The following TAFA1 variants were observed in gnomAD, a reference collection of about 807,000 sequenced individuals.
The protein encoded by TAFA1 is TAFA chemokine like family member 1.
Under a neutral mutation model 18.5 loss-of-function variants are expected in TAFA1, and 4 were observed. The observed-to-expected ratio is 0.22, with a 90% CI of 0.11 to 0.49. The LOEUF (loss-of-function observed/expected upper bound fraction) is 0.49. Among genes scored for constraint, TAFA1 ranks in the 20% least tolerant of loss-of-function variants. TAFA1 has a pLI of 0.98. For synonymous variants in TAFA1, 56 were observed against 55.2 expected (o/e 1.01, Z -0.06); for missense variants, 147 against 169.0 (o/e 0.87, Z 0.72).
intron 2 of TAFA1, among the ~76,000 whole-genome samples, chr3:68,411,010 C>T (rs2070705784): frequency 6.6e-6 from 1 of 152,220 alleles, no homozygotes; most frequent in Non-Finnish European, 1.5e-5. Flanking sequence ...TTGTGACAAA[C>T]TTAACTCTTC....
chr3:68,104,699 A>G (rs1055916375), intron 2 of TAFA1, among the ~76,000 whole-genome samples: 3 of 152,112 alleles, frequency 2.0e-5, no homozygotes, highest in African/African-American at 7.2e-5. Context: ...GAAGATGACC[A>G]AGCTCATTTG....
intron 2 of TAFA1, among the ~76,000 whole-genome samples, chr3:68,238,924 A>G (rs1367055067): frequency 6.6e-6 from 1 of 152,196 alleles, no homozygotes; most frequent in South Asian, 2.1e-4. Context: ...CTAATGATCT[A>G]TGGAATTCTT....
chr3:68,045,190 G>A (rs991085191), intron 2 of TAFA1, among the ~76,000 whole-genome samples: 2 of 152,110 alleles, frequency 1.3e-5, no homozygotes, highest in East Asian at 1.9e-4. Flanking sequence ...TCCAAATGGA[G>A]CTCTTCTCAT....
intron 2 of TAFA1, among the ~76,000 whole-genome samples, chr3:68,199,266 T>C (rs553468541): frequency 6.6e-6 from 1 of 151,746 alleles, no homozygotes; most frequent in Admixed American, 6.6e-5. Flanking sequence ...ACTATAACTT[T>C]ACAGTAAGTC....
At chr3:68,040,098 C>T (rs1276407498) in intron 2 of TAFA1, among the ~76,000 whole-genome samples, 1 of 152,150 alleles carries the variant, frequency 6.6e-6, no homozygotes, top group East Asian at 1.9e-4. Flanking sequence ...ACATTGAGGG[C>T]ATCTGCTATA....
chr3:68,308,069 A>G (rs2068452333), intron 2 of TAFA1, among the ~76,000 whole-genome samples: 1 of 152,206 alleles, frequency 6.6e-6, no homozygotes, highest in Admixed American at 6.5e-5. Flanking sequence ...GGGTGACATA[A>G]TGAAAATTTT....
chr3:68,018,269 A>G (rs1704609163), intron 2 of TAFA1, among the ~76,000 whole-genome samples: 1 of 152,186 alleles, frequency 6.6e-6, no homozygotes, highest in South Asian at 2.1e-4. Flanking sequence ...GCCAATTGTC[A>G]AAGAAGTGGC....
At chr3:68,415,180 C>T (rs369365271) in intron 2 of TAFA1, among the ~76,000 whole-genome samples, 1 of 152,164 alleles carries the variant, frequency 6.6e-6, no homozygotes, top group Non-Finnish European at 1.5e-5. Flanking sequence ...TCTTCTCCTT[C>T]GCTACCTTGT....
intron 3 of TAFA1, among the ~76,000 whole-genome samples, chr3:68,470,945 A>G (rs2071985149): frequency 6.6e-6 from 1 of 152,124 alleles, no homozygotes; most frequent in Admixed American, 6.5e-5. Flanking sequence ...CAGACCTGGA[A>G]GCCTAGGAGG....
At chr3:68,099,712 C>A (rs1266603900) in intron 2 of TAFA1, among the ~76,000 whole-genome samples, 1 of 152,082 alleles carries the variant, frequency 6.6e-6, no homozygotes, top group Non-Finnish European at 1.5e-5. Context: ...TTCATTGCAG[C>A]ACTATTCATA....
At chr3:68,258,049 A>C (rs1214721897) in intron 2 of TAFA1, among the ~76,000 whole-genome samples, 2 of 152,200 alleles carry the variant, frequency 1.3e-5, no homozygotes, top group African/African-American at 2.4e-5. Context: ...CTAAGGAGAT[A>C]TGGGTGCTGA....
Position 68,497,676 on chromosome 3 carries a change from G to A in TAFA1, c.260-41080G>A, listed in dbSNP as rs187751070. Among the ~76,000 whole-genome samples the A allele has an allele frequency of 4.8e-3, 726 of 152,250 alleles. 7 individuals are homozygous for A. Among genetic ancestry groups the A allele is most frequent in the Middle Eastern group, 0.024 (7 of 294 alleles). On this transcript the variant is annotated intron_variant, in intron 3 of 4. Coordinates refer to ENST00000478136, the MANE Select transcript of TAFA1 (RefSeq NM_213609.4). The stretch of plus-strand genomic sequence containing the variant: ...TGCAAGGAGCCTGAAATGACAAGTG[G>A]AGTACTCACAAAGGACCTTCCACAA...
chr3:68,049,321 C>T (rs985126943), intron 2 of TAFA1, among the ~76,000 whole-genome samples: 11 of 152,064 alleles, frequency 7.2e-5, no homozygotes, highest in African/African-American at 2.7e-4. Context: ...GCTCAGCCAC[C>T]AGGTGTCTAT....
chr3:68,519,290 G>A (rs777529395), intron 3 of TAFA1, among the ~76,000 whole-genome samples: 4 of 152,310 alleles, frequency 2.6e-5, no homozygotes, highest in East Asian at 1.9e-4. Context: ...ATGAGAAGAC[G>A]TCATCTATAA....
At chr3:68,290,409 TTA>T (rs2107276198) in intron 2 of TAFA1, among the ~76,000 whole-genome samples, 1 of 152,268 alleles carries the variant, frequency 6.6e-6, no homozygotes, top group Non-Finnish European at 1.5e-5. Flanking sequence ...TTCTGTAATT[TTA>T]TATGAGTAGT....
At chr3:68,323,569 C>T (rs2068726328) in intron 2 of TAFA1, among the ~76,000 whole-genome samples, 1 of 152,058 alleles carries the variant, frequency 6.6e-6, no homozygotes, top group Non-Finnish European at 1.5e-5. Flanking sequence ...TTTCAGCCTT[C>T]AAAATTATGA....
intron 2 of TAFA1, among the ~76,000 whole-genome samples, chr3:68,072,008 A>G (rs2064761572): frequency 5.9e-5 from 9 of 152,164 alleles, no homozygotes; most frequent in Admixed American, 4.6e-4. Flanking sequence ...AAACTATATC[A>G]CCATCTATAA....
intron 2 of TAFA1, among the ~76,000 whole-genome samples, chr3:68,269,627 G>T (rs1011199739): frequency 1.3e-5 from 2 of 151,940 alleles, no homozygotes; most frequent in African/African-American, 4.8e-5. Context: ...TGGGATTAGA[G>T]ATAATAACTT....
At chr3:68,249,009 A>G (rs1284823102) in intron 2 of TAFA1, among the ~76,000 whole-genome samples, 2 of 151,836 alleles carry the variant, frequency 1.3e-5, no homozygotes, top group African/African-American at 4.8e-5. Context: ...CCCTAATAAA[A>G]CCACAGATCT....
Sources: allele counts gnomAD v4.1 joint callset (sites outside exome capture counted in the v4.1 genomes callset), GRCh38; gene constraint gnomAD v4.1.1; transcripts MANE v1.5; gene names NCBI Gene and HGNC (gene_info 2026-07-23, HGNC 2026-07-21).